HIP1: variants seen among roughly 807,000 people sequenced by gnomAD.
The protein encoded by HIP1 is huntingtin-interacting protein 1.
In HIP1, 65 loss-of-function variants were observed where a neutral mutation model predicts 147.6. The ratio of observed to expected loss-of-function variants is 0.44; its 90% CI spans 0.36 to 0.54. The LOEUF is 0.54. HIP1 is among the 20% of genes least tolerant of loss of function. The pLI, the probability that HIP1 is intolerant of heterozygous loss-of-function variation, is 0.00. For missense variants in HIP1, 1,061 were observed against 1,299.6 expected (o/e 0.82, Z 2.82); for synonymous variants, 479 against 504.0 (o/e 0.95, Z 0.67).
intron 23 of HIP1, 82 bp from the exon 24 acceptor site, chr7:75,547,895 T>A: frequency 7.9e-7 from 1 of 1,269,982 alleles, no homozygotes; most frequent in South Asian, 1.2e-5. Flanking sequence ...CAGTCCAACA[T>A]CGTGTGGTAG....
chr7:75,625,593 T>C (rs1015973289), intron 1 of HIP1: 1 of 152,070 alleles, frequency 6.6e-6, no homozygotes, highest in Non-Finnish European at 1.5e-5. Flanking sequence ...AGGCCCAGAG[T>C]TGGGGACTGG....
At chr7:75,719,948 T>C (rs1801449019) in intron 1 of HIP1, among the ~76,000 whole-genome samples, 1 of 152,104 alleles carries the variant, frequency 6.6e-6, no homozygotes, top group Admixed American at 6.6e-5. Flanking sequence ...GGGAGTTATT[T>C]TGCCTTTTCT....
At position 75,556,070 on chromosome 7, in the gene HIP1, G is replaced by A. The variant is rs782410429; in HGVS notation, c.1783C>T (p.Arg595Trp). The change falls in exon 18 of 31, where the codon CGG (arginine) becomes TGG (tryptophan). Residue 595 changes from arginine (R) to tryptophan (W), a missense_variant. By Grantham distance (101) the Arg-to-Trp change is moderately radical (BLOSUM62 -3). Transcript: ENST00000336926. Reference protein sequence around the residue: ...AHREEELSALRKELQDTQLKL... With the variant: ...AHREEELSALWKELQDTQLKL... ...AGCTGAGTGTCCTGCAGTTCTTTCC[G>A]AAGAGCAGATAATTCCTCCTCCCTA... The A allele has an allele frequency of 1.9e-6, 3 of 1,614,036 alleles. No individual in the cohort carries two copies. Among genetic ancestry groups the A allele is most frequent in the Non-Finnish European group, 2.5e-6 (3 of 1,180,036 alleles).
chr7:75,668,617 C>G (rs10279158), intron 1 of HIP1, among the ~76,000 whole-genome samples: 106,047 of 151,802 alleles, frequency 0.7, 37,378 homozygotes, highest in African/African-American at 0.78. Context: ...GAGCCACCAC[C>G]CCTGGCCGGG....
intron 1 of HIP1, among the ~76,000 whole-genome samples, chr7:75,689,217 A>G (rs1800365167): frequency 6.6e-6 from 1 of 151,888 alleles, no homozygotes. Context: ...AAATATATTT[A>G]AAAATAGGCC....
intron 1 of HIP1, among the ~76,000 whole-genome samples, chr7:75,639,455 C>G (rs1267189414): frequency 6.6e-6 from 1 of 151,702 alleles, no homozygotes; most frequent in African/African-American, 2.4e-5. Context: ...CCCCCGGGCT[C>G]GCACGGCGAG....
intron 22 of HIP1, among the ~76,000 whole-genome samples, chr7:75,549,372 CTTTT>C (rs60654435): frequency 8.3e-6 from 1 of 121,194 alleles, no homozygotes; most frequent in Non-Finnish European, 1.8e-5. Flanking sequence ...CTTTTCTTTT[CTTTT>C]TTTTTTTTTT....
chr7:75,723,665 A>T (rs1801565094), intron 1 of HIP1, among the ~76,000 whole-genome samples: 2 of 152,076 alleles, frequency 1.3e-5, no homozygotes, highest in African/African-American at 4.8e-5. Flanking sequence ...CTGTGCATGA[A>T]ACCCTTCTCA....
At chr7:75,551,472 C>T (rs1029940624) in intron 22 of HIP1, among the ~76,000 whole-genome samples, 1 of 149,666 alleles carries the variant, frequency 6.7e-6, no homozygotes, top group Non-Finnish European at 1.5e-5. Flanking sequence ...ACCTCAGCCT[C>T]CCAAAGTGCT....
chr7:75,587,275 T>C (rs587668872), intron 4 of HIP1, among the ~76,000 whole-genome samples: 1 of 152,018 alleles, frequency 6.6e-6, no homozygotes, highest in East Asian at 1.9e-4. Context: ...AGAGATGGGG[T>C]TTCACCATAT....
Position 75,592,434 on chromosome 7 carries a change from C to A in HIP1, c.265G>T (p.Ala89Ser), listed in dbSNP as rs377613971. 6.2e-7 allele frequency: 1 copy of A among 1,612,514 alleles called. No homozygotes were observed. Among genetic ancestry groups the A allele is most frequent in the South Asian group, 1.1e-5 (1 of 91,044 alleles). The change falls in exon 3 of 31, where the codon GCA becomes TCA. Residue 89 changes from alanine to serine, a missense_variant. Around this residue, in one of 3 missense-constraint regions of HIP1, gnomAD observed 225 missense variants for 292.9 expected, o/e 0.77. Transcript: ENST00000336926. The stretch of plus-strand genomic sequence containing the variant: ...TGGCAGAACTTCCAGCAGAGCACTG[C>A]GTTGCTAGACAGAGGCAGGCGGTTG... Reference protein sequence around the residue: ...VVNRLPLSSNAVLCWKFCHVF... With the variant: ...VVNRLPLSSNSVLCWKFCHVF...
intron 1 of HIP1, among the ~76,000 whole-genome samples, chr7:75,646,621 C>T (rs1798812232): frequency 6.6e-6 from 1 of 152,262 alleles, no homozygotes; most frequent in Non-Finnish European, 1.5e-5. Flanking sequence ...CTGCCTGTTC[C>T]TTGCTTCCTC....
intron 1 of HIP1, among the ~76,000 whole-genome samples, chr7:75,720,103 A>G (rs1801453513): frequency 6.6e-6 from 1 of 152,066 alleles, no homozygotes; most frequent in Non-Finnish European, 1.5e-5. Flanking sequence ...TGGCAAACCA[A>G]TGTGTTTATG....
chr7:75,721,046 A>ATGGAGTC lies in HIP1; in HGVS notation c.120+17754_120+17755insGACTCCA, dbSNP rs1554521248. Among the ~76,000 whole-genome samples the ATGGAGTC allele has an allele frequency of 4.6e-5, 7 of 151,106 alleles. No individual in the cohort carries two copies. The Admixed American group carries it at 4.6e-4, about 10-fold the overall frequency. On this transcript the variant is annotated intron_variant, in intron 1 of 30. Transcript: ENST00000336926. ...AGAGCAAAACTCCATCTCAAAAAAAAAAAAAAAAGACCTCATCTCTATAAA... is the reference window on the plus strand; with the variant it reads ...AGAGCAAAACTCCATCTCAAAAAAAATGGAGTCAAAAAAAAGACCTCATCTCTATAAA...
intron 29 of HIP1, 129 bp from the exon 30 acceptor site, chr7:75,539,560 T>C: frequency 1.5e-6 from 1 of 679,964 alleles, no homozygotes; most frequent in Non-Finnish European, 2.5e-6. Flanking sequence ...CCTCAAGAGA[T>C]CCTCCTGTCT....
chr7:75,554,871 C>T (rs1483420577), intron 19 of HIP1, among the ~76,000 whole-genome samples: 1 of 151,686 alleles, frequency 6.6e-6, no homozygotes, highest in South Asian at 2.1e-4. Flanking sequence ...TTGGGACCAT[C>T]CTGGGCAATA....
chr7:75,556,057 T>C lies in HIP1; in HGVS notation c.1796A>G (p.Gln599Arg), dbSNP rs1554493217. The C allele has an allele frequency of 6.2e-7, 1 of 1,614,206 alleles. No homozygotes were observed. ...EELSALRKEL[Q>R]DTQLKLASTE... is the part of the protein sequence containing the mutation. ...GCTGGCCAGTTTGAGCTGAGTGTCC[T>C]GCAGTTCTTTCCGAAGAGCAGATAA... is the stretch of plus-strand genomic sequence containing the variant. The change falls in exon 18 of 31, where the codon CAG becomes CGG. Residue 599 changes from glutamine to arginine, a missense_variant. Transcript: ENST00000336926.
Position 75,576,971 on chromosome 7 carries a change from A to G in HIP1, c.605-3070T>C, listed in dbSNP as rs587698429. Reference sequence around the variant, plus strand: ...GACTTTTAAATGTTATTTAATTGTAATCAAGTTCAATGATCACATGGGGCT... The same window carrying G: ...GACTTTTAAATGTTATTTAATTGTAGTCAAGTTCAATGATCACATGGGGCT... On this transcript the variant is annotated intron_variant, in intron 7 of 30. Coordinates refer to ENST00000336926, the MANE Select transcript of HIP1 (RefSeq NM_005338.7). Among the ~76,000 whole-genome samples, 5 of 152,294 alleles carry G rather than the reference A, an allele frequency of 3.3e-5. No homozygotes were observed. The East Asian group carries it at 7.7e-4, about 23-fold the overall frequency.
chr7:75,647,107 T>G (rs1798822779), intron 1 of HIP1, among the ~76,000 whole-genome samples: 4 of 150,698 alleles, frequency 2.7e-5, no homozygotes, highest in Non-Finnish European at 5.9e-5. Context: ...GGCTCTTGCC[T>G]GTAATCCCAG....
Sources: allele counts gnomAD v4.1 joint callset (sites outside exome capture counted in the v4.1 genomes callset), GRCh38; gene constraint gnomAD v4.1.1; regional missense constraint gnomAD v4.1.1; transcripts MANE v1.5; gene names NCBI Gene and HGNC (gene_info 2026-07-23, HGNC 2026-07-21).